GGCX: variants seen among roughly 807,000 people sequenced by gnomAD.
The protein encoded by GGCX is gamma-glutamyl carboxylase, also known as vitamin K-dependent gamma-carboxylase.
Under a neutral mutation model 88.5 loss-of-function variants are expected in GGCX, and 63 were observed. The observed-to-expected ratio is 0.71, with a 90% CI of 0.58 to 0.88. The LOEUF (loss-of-function observed/expected upper bound fraction) is 0.88. Among genes scored for constraint, GGCX ranks in the 40% least tolerant of loss-of-function variants. The pLI, the probability that GGCX is intolerant of heterozygous loss-of-function variation, is 0.00. For synonymous variants in GGCX, 368 were observed against 365.8 expected, an observed-to-expected ratio of 1.01 and a Z score of -0.07; for missense variants, 805 against 932.9, an observed-to-expected ratio of 0.86 and a Z score of 1.79.
At chr2:85,554,629 CTGT>C (rs2103971478) in intron 6 of GGCX, 1 of 388,572 alleles carries the variant, frequency 2.6e-6, no homozygotes, top group Admixed American at 3.7e-5. Flanking sequence ...CCACGCCTAG[CTGT>C]TTTTTTAAAA....
intron 7 of GGCX, 174 bp from the exon 8 acceptor site, chr2:85,553,671 C>A (rs1692081367): frequency 7.9e-6 from 5 of 632,324 alleles, no homozygotes; most frequent in Non-Finnish European, 1.4e-5. Context: ...GTGATCTCAG[C>A]TCACTGCAAC....
rs749368015 is a variant in GGCX, at chr2:85,549,968, T to C, written c.2243A>G (p.Glu748Gly). 6.2e-7 allele frequency: 1 copy of C among 1,613,788 alleles called. No individual in the cohort carries two copies. The highest frequency in any genetic ancestry group is 8.5e-7 in the Non-Finnish European group (1 of 1,179,762). The stretch of plus-strand genomic sequence containing the variant: ...TGAGTGGACAGGATCAGGATTTGAC[T>C]CAGGAGGATTAGAATGTGAAGAATC... ...NTDSSHSNPP[E>G]SNPDPVHSEF The change falls in exon 15 of 15, where the codon GAG becomes GGG. Residue 748 changes from glutamate (E) to glycine (G), a missense_variant. Glu to Gly is a moderately conservative substitution (Grantham distance 98, BLOSUM62 -2). Transcript: ENST00000233838.
chr2:85,561,478 G>A lies in GGCX; in HGVS notation c.-50C>T. Reference sequence around the variant, plus strand: ...TCACAGCTGCCGCGTCTGAACGGAGGCCGCCAGGAGAATTTGCTTCCCTAG... The same window carrying A: ...TCACAGCTGCCGCGTCTGAACGGAGACCGCCAGGAGAATTTGCTTCCCTAG... On this transcript the variant is annotated 5_prime_UTR_variant, in exon 1 of 15. Transcript: ENST00000233838. 7.1e-7 allele frequency: 1 copy of A among 1,405,542 alleles called. No individual in the cohort carries two copies. The highest frequency in any genetic ancestry group is 1.2e-5 in the South Asian group (1 of 81,002). The allele number at this position is 1,405,542 out of a possible 1,614,324, so 87.1% of individuals were successfully genotyped here.
intron 2 of GGCX, among the ~76,000 whole-genome samples, chr2:85,560,544 A>C (rs1389239228): frequency 6.6e-6 from 1 of 152,006 alleles, no homozygotes; most frequent in African/African-American, 2.4e-5. Context: ...CGGAGGTTAC[A>C]GTGAGCCGAG....
rs754855290 is a variant in GGCX at position 85,553,409 on chromosome 2, C to T, written c.978G>A (p.Arg326=). ...CCTTGAGGGGCAACAGTTGTTGCAACCTTCGGGGGCAGTAGGACACCAGCT... is the reference window on the plus strand; with the variant it reads ...CCTTGAGGGGCAACAGTTGTTGCAATCTTCGGGGGCAGTAGGACACCAGCT... ...PRKLVSYCPR[R]LQQLLPLKAA... The change falls in exon 8 of 15, where the codon AGG becomes AGA. Residue 326 remains arginine (R), a synonymous_variant. Coordinates refer to ENST00000233838, the MANE Select transcript of GGCX (RefSeq NM_000821.7). 6.2e-7 allele frequency: 1 copy of T among 1,614,144 alleles called. No individual in the cohort carries two copies. The highest frequency in any genetic ancestry group is 8.5e-7 in the Non-Finnish European group (1 of 1,180,022).
Position 85,552,509 on chromosome 2 carries a change from G to C in GGCX, c.1346C>G (p.Thr449Ser), listed in dbSNP as rs778168207. ...DHADMLKQYA[T>S]CLSRLLPKYN... The stretch of plus-strand genomic sequence containing the variant: ...CTTGGGAAGCAGGCGGCTCAGGCAA[G>C]TGGCATATTGCTTCAGCATGTCTGC... The change falls in exon 10 of 15, where the codon ACT (threonine) becomes AGT (serine). Residue 449 changes from threonine to serine, a missense_variant. Physicochemically the swap from Thr to Ser is moderately conservative, Grantham distance 58 (BLOSUM62 1). This residue lies in a region of GGCX where 680 missense variants were observed against 763.7 expected (regional missense o/e 0.89). Coordinates refer to ENST00000233838, the MANE Select transcript of GGCX (RefSeq NM_000821.7). 6.2e-7 allele frequency: 1 copy of C among 1,613,718 alleles called. No individual in the cohort carries two copies. The highest frequency in any genetic ancestry group is 8.5e-7 in the Non-Finnish European group (1 of 1,179,650).
At chr2:85,555,950 A>G (rs974778388) in intron 5 of GGCX, among the ~76,000 whole-genome samples, 15 of 152,230 alleles carry the variant, frequency 9.9e-5, no homozygotes, top group Admixed American at 2.0e-4. Context: ...TCTCTTTGTC[A>G]TGAGGATTCC....
At chr2:85,554,122 T>C in intron 7 of GGCX, 21 bp downstream of exon 7, 1 of 1,601,410 alleles carries the variant, frequency 6.2e-7, no homozygotes, top group Non-Finnish European at 8.6e-7. Flanking sequence ...TCCTGTTTCC[T>C]CCCAGGCTAC....
chr2:85,549,692 A>C lies in GGCX; in HGVS notation c.*242T>G, dbSNP rs190583105. 2.0e-6 allele frequency: 1 copy of C among 508,066 alleles called. No individual in the cohort carries two copies. Among genetic ancestry groups the C allele is most frequent in the East Asian group, 3.7e-5 (1 of 27,156 alleles). 31.5% of individuals were successfully genotyped at this position (508,066 alleles called of 1,614,324 possible). A position where few individuals can be genotyped will look rare whatever the true frequency, so the allele number is the denominator to read the frequency against. On this transcript the variant is annotated 3_prime_UTR_variant, in exon 15 of 15. Coordinates refer to ENST00000233838, the MANE Select transcript of GGCX (RefSeq NM_000821.7). ...AAGCCACTTTAAACCTTATCCTAGG[A>C]GGACAGTTTCACATTGCGTCTAACC...
chr2:85,560,726 A>G (rs1692405413), intron 2 of GGCX, 89 bp downstream of exon 2: 4 of 1,002,224 alleles, frequency 4.0e-6, no homozygotes, highest in Non-Finnish European at 4.8e-6. Context: ...CTCTGAGGAA[A>G]AGGGAGCTAA....
intron 2 of GGCX, among the ~76,000 whole-genome samples, chr2:85,559,311 A>C (rs772580793): frequency 6.6e-6 from 1 of 152,230 alleles, no homozygotes; most frequent in Non-Finnish European, 1.5e-5. Flanking sequence ...GAGAAGGGGA[A>C]TACATCACAG....
chr2:85,561,279 ACCC>A, intron 1 of GGCX, 104 bp downstream of exon 1: 2 of 432,312 alleles, frequency 4.6e-6, no homozygotes, highest in South Asian at 2.6e-5. Flanking sequence ...CCCACAGAGG[ACCC>A]CCCCCCCGCC....
chr2:85,550,765 G>C lies in GGCX; in HGVS notation c.1889-15C>G, dbSNP rs1371197489. On this transcript the variant is annotated splice_polypyrimidine_tract_variant and intron_variant, in intron 13 of 14. Coordinates refer to ENST00000233838, the MANE Select transcript of GGCX (RefSeq NM_000821.7). ...AGGCCCTGTTTCTGCCCGGAAGACA[G>C]AAAAAAGAGGAATCACTGAGATGGA... 2 of 1,612,080 alleles carry C rather than the reference G, an allele frequency of 1.2e-6. No homozygotes were observed. Among genetic ancestry groups the C allele is most frequent in the Non-Finnish European group, 1.7e-6 (2 of 1,178,938 alleles).
In GGCX at chr2:85,547,023, G is replaced by C. The variant is rs1387168519; in HGVS notation, c.*2911C>G. 1 of 152,234 alleles carries C rather than the reference G, an allele frequency of 6.6e-6. No homozygotes were observed. The highest frequency in any genetic ancestry group is 1.9e-4 in the East Asian group (1 of 5,204). The allele number at this position is 152,234 out of a possible 1,614,324, so 9.4% of individuals were successfully genotyped here. On this transcript the variant is annotated 3_prime_UTR_variant, in exon 15 of 15. Transcript: ENST00000233838. ...AGATTCCCCAACCTTGAGGGAGCTTGTGGACCAAGGGGATAGTGTTGTCCT... is the reference window on the plus strand; with the variant it reads ...AGATTCCCCAACCTTGAGGGAGCTTCTGGACCAAGGGGATAGTGTTGTCCT...
chr2:85,551,928 C>T lies in GGCX; in HGVS notation c.1493G>A (p.Arg498His), dbSNP rs1460451482. The change falls in exon 11 of 15, where the codon CGC becomes CAC. Residue 498 changes from arginine (R) to histidine (H), a missense_variant. Transcript: ENST00000233838. ...IVQAAWSPFQ[R>H]TSWVQPLLMD... Reference sequence around the variant, plus strand: ...CAAGAGTGGTTGCACCCAGGATGTGCGCTGAAAGGGTGACCAAGCGGCCTG... The same window carrying T: ...CAAGAGTGGTTGCACCCAGGATGTGTGCTGAAAGGGTGACCAAGCGGCCTG... The T allele has an allele frequency of 3.1e-6, 5 of 1,613,644 alleles. No homozygotes were observed. The African/African-American group carries it at 4.0e-5, about 13-fold the overall frequency.
Position 85,555,555 on chromosome 2 carries a change from CT to C in GGCX, c.653del (p.Lys218SerfsTer32). The C allele has an allele frequency of 6.2e-7, 1 of 1,602,898 alleles. No individual in the cohort carries two copies. The highest frequency in any genetic ancestry group is 8.5e-7 in the Non-Finnish European group (1 of 1,169,820). ...AGCCTTCAACCCAGTCTGCATCCAG[CT>C]TTTTCACACCCGCAATGAAGTACAC... is the stretch of plus-strand genomic sequence containing the variant. ...FIVYFIAGVK[K>X]LDADWVEGYS... On this transcript the variant is annotated frameshift_variant, in exon 6 of 15. Coordinates refer to ENST00000233838, the MANE Select transcript of GGCX (RefSeq NM_000821.7). LOFTEE classifies it high-confidence loss of function.
Position 85,559,037 on chromosome 2 carries a change from G to A in GGCX, c.253C>T (p.Leu85Phe), listed in dbSNP as rs751657317. 1 of 1,614,094 alleles carries A rather than the reference G, an allele frequency of 6.2e-7. No homozygotes were observed. Among genetic ancestry groups the A allele is most frequent in the Non-Finnish European group, 8.5e-7 (1 of 1,179,938 alleles). ...AGGTATTTCCGGTCCAGAGAGCTGA[G>A]CCCCCGCTCCTGGGGAATGTCTAGC... ...MVLDIPQERG[L>F]SSLDRKYLDG... The change falls in exon 3 of 15, where the codon CTC becomes TTC. Residue 85 changes from leucine (L) to phenylalanine (F), a missense_variant. Coordinates refer to ENST00000233838, the MANE Select transcript of GGCX (RefSeq NM_000821.7).
rs570833364 is a variant in GGCX, at chr2:85,545,923, A to G, written c.*4011T>C. 6.6e-6 allele frequency: 1 copy of G among 152,366 alleles called. No individual in the cohort carries two copies. Among genetic ancestry groups the G allele is most frequent in the African/African-American group, 2.4e-5 (1 of 41,580 alleles). The allele number at this position is 152,366 out of a possible 1,614,324, so 9.4% of individuals were successfully genotyped here. The stretch of plus-strand genomic sequence containing the variant: ...TTAGCTGAAAATGCTATAAATTTCC[A>G]AAGGCTTAAATTTCATTTATGGCAG... On this transcript the variant is annotated 3_prime_UTR_variant, in exon 15 of 15. Coordinates refer to ENST00000233838, the MANE Select transcript of GGCX (RefSeq NM_000821.7).
At chr2:85,552,286 A>G in intron 10 of GGCX, 130 bp downstream of exon 10, 1 of 937,680 alleles carries the variant, frequency 1.1e-6, no homozygotes, top group Non-Finnish European at 1.7e-6. Flanking sequence ...GCCCACAACC[A>G]GATCAAGGGG....
Sources: allele counts gnomAD v4.1 joint callset (sites outside exome capture counted in the v4.1 genomes callset), GRCh38; gene constraint gnomAD v4.1.1; regional missense constraint gnomAD v4.1.1; transcripts MANE v1.5; gene names NCBI Gene and HGNC (gene_info 2026-07-23, HGNC 2026-07-21).